The following RSRC1 variants were observed in gnomAD, a reference collection of about 807,000 sequenced individuals.
RSRC1 encodes serine/Arginine-related protein 53.
RSRC1 carries 39 observed loss-of-function variants against 49.1 expected under a neutral mutation model. The ratio of observed to expected loss-of-function variants is 0.79; its 90% CI spans 0.61 to 1.04. The LOEUF is 1.04. RSRC1 is among the 50% of genes least tolerant of loss of function. The pLI is 0.00. For missense variants in RSRC1, 388 were observed against 402.4 expected, an observed-to-expected ratio of 0.96 and a Z score of 0.31; for synonymous variants, 143 against 130.8, an observed-to-expected ratio of 1.09 and a Z score of -0.63.
At chr3:158,535,519 A>C (rs111972268) in intron 7 of RSRC1, among the ~76,000 whole-genome samples, 2 of 96,356 alleles carry the variant, frequency 2.1e-5, no homozygotes, top group Non-Finnish European at 4.3e-5. Context: ...ACAATTCAGT[A>C]ACAATACCCC....
intron 7 of RSRC1, among the ~76,000 whole-genome samples, chr3:158,514,773 A>G (rs923735029): frequency 6.6e-5 from 10 of 152,138 alleles, no homozygotes; most frequent in Non-Finnish European, 1.5e-4. Flanking sequence ...TAGGTCACTC[A>G]GGACTTGCTT....
At chr3:158,407,538 ACTTT>A (rs1026763105) in intron 6 of RSRC1, among the ~76,000 whole-genome samples, 6 of 152,148 alleles carry the variant, frequency 3.9e-5, no homozygotes, top group African/African-American at 1.2e-4. Flanking sequence ...CTCACAACTT[ACTTT>A]ATTTGGTAGA....
At chr3:158,271,451 TA>T (rs1725514338) in intron 4 of RSRC1, among the ~76,000 whole-genome samples, 6 of 152,130 alleles carry the variant, frequency 3.9e-5, no homozygotes, top group Non-Finnish European at 7.4e-5. Flanking sequence ...GCAGTCAGAG[TA>T]GAGATTTTAA....
intron 4 of RSRC1, among the ~76,000 whole-genome samples, chr3:158,206,538 A>G (rs892292227): frequency 1.4e-4 from 22 of 152,162 alleles, no homozygotes; most frequent in Admixed American, 5.9e-4. Context: ...TGGGATGCCA[A>G]TGTAGAGTTT....
intron 8 of RSRC1, 99 bp from the exon 9 acceptor site, chr3:158,543,236 G>T: frequency 9.4e-7 from 1 of 1,065,082 alleles, no homozygotes; most frequent in Non-Finnish European, 1.3e-6. Flanking sequence ...CATCTCAAAG[G>T]AGACTAATTG....
intron 3 of RSRC1, among the ~76,000 whole-genome samples, chr3:158,202,583 T>TA (rs1359595103): frequency 6.4e-5 from 9 of 140,526 alleles, no homozygotes; most frequent in South Asian, 2.2e-4. Context: ...TATATATATG[T>TA]TTTATCAATA....
intron 7 of RSRC1, among the ~76,000 whole-genome samples, chr3:158,528,251 T>A (rs979667335): frequency 4.6e-5 from 7 of 151,924 alleles, no homozygotes; most frequent in Non-Finnish European, 8.8e-5. Context: ...AAGAATAGCA[T>A]AATTGCATTA....
chr3:158,511,620 T>C (rs944460473), intron 7 of RSRC1, among the ~76,000 whole-genome samples: 3 of 152,236 alleles, frequency 2.0e-5, no homozygotes, highest in African/African-American at 7.2e-5. Context: ...TGATTTATAG[T>C]CCTTTGGCTA....
intron 4 of RSRC1, among the ~76,000 whole-genome samples, chr3:158,238,945 A>G (rs1723402777): frequency 6.6e-6 from 1 of 152,222 alleles, no homozygotes; most frequent in Non-Finnish European, 1.5e-5. Context: ...ACAGAATGGG[A>G]GAAATTTTTT....
chr3:158,388,966 T>C (rs964047949), intron 6 of RSRC1, among the ~76,000 whole-genome samples: 4 of 152,126 alleles, frequency 2.6e-5, no homozygotes, highest in Admixed American at 2.6e-4. Flanking sequence ...GTTGGAGGAA[T>C]AGATATAGAT....
intron 3 of RSRC1, among the ~76,000 whole-genome samples, chr3:158,182,588 C>G (rs1284014259): frequency 2.0e-5 from 3 of 152,118 alleles, no homozygotes; most frequent in Admixed American, 6.5e-5. Flanking sequence ...CTTAAACTCT[C>G]AGAGTTAATG....
intron 3 of RSRC1, among the ~76,000 whole-genome samples, chr3:158,144,859 T>A (rs1286067107): frequency 6.6e-6 from 1 of 152,214 alleles, no homozygotes; most frequent in Non-Finnish European, 1.5e-5. Context: ...TCATTGAGGT[T>A]TTGATTTGCC....
At chr3:158,245,863 A>G (rs1040105598) in intron 4 of RSRC1, among the ~76,000 whole-genome samples, 4 of 152,124 alleles carry the variant, frequency 2.6e-5, no homozygotes, top group Admixed American at 2.6e-4. Flanking sequence ...TTTGTCAGAA[A>G]CTAGGATTCC....
chr3:158,488,246 G>A (rs1186733204), intron 7 of RSRC1, among the ~76,000 whole-genome samples: 1 of 151,908 alleles, frequency 6.6e-6, no homozygotes. Flanking sequence ...TATGTCTGAA[G>A]GAACTCTTTT....
At chr3:158,245,479 A>G (rs952370050) in intron 4 of RSRC1, among the ~76,000 whole-genome samples, 1 of 152,186 alleles carries the variant, frequency 6.6e-6, no homozygotes, top group African/African-American at 2.4e-5. Context: ...TGGTGATGAG[A>G]AGAATGTATA....
At chr3:158,358,460 T>C (rs532828686) in intron 6 of RSRC1, among the ~76,000 whole-genome samples, 1 of 152,302 alleles carries the variant, frequency 6.6e-6, no homozygotes, top group South Asian at 2.1e-4. Context: ...GAGACACTAA[T>C]GAATAGTGGA....
intron 4 of RSRC1, among the ~76,000 whole-genome samples, chr3:158,241,104 C>T (rs1043036918): frequency 7.2e-5 from 11 of 152,102 alleles, no homozygotes; most frequent in Admixed American, 7.2e-4. Context: ...TGATACTATC[C>T]ATGGTATAGA....
chr3:158,425,601 G>A (rs535998548), intron 6 of RSRC1, among the ~76,000 whole-genome samples: 9 of 151,864 alleles, frequency 5.9e-5, no homozygotes, highest in East Asian at 3.9e-4. Context: ...TATTAGGTCC[G>A]CTTGGTGCAG....
chr3:158,400,902 C>T lies in RSRC1; in HGVS notation c.583+45994C>T, dbSNP rs1190625797. Among the ~76,000 whole-genome samples, 5 of 152,028 alleles carry T rather than the reference C, an allele frequency of 3.3e-5. No individual in the cohort carries two copies. The East Asian group carries it at 7.7e-4, about 23-fold the overall frequency. ...TCATTGACTCAACCAGAGCAGCTTC[C>T]ATTCCTGCAAGCTCCATTTATGTTA... On this transcript the variant is annotated intron_variant, in intron 6 of 9. Coordinates refer to ENST00000611884, the MANE Select transcript of RSRC1 (RefSeq NM_001271838.2).
Sources: allele counts gnomAD v4.1 joint callset (sites outside exome capture counted in the v4.1 genomes callset), GRCh38; gene constraint gnomAD v4.1.1; transcripts MANE v1.5; gene names NCBI Gene and HGNC (gene_info 2026-07-23, HGNC 2026-07-21).